The following WDPCP variants were observed in gnomAD, a reference collection of about 807,000 sequenced individuals.
WDPCP encodes the protein WD repeat-containing and planar cell polarity effector protein fritz homolog.
In WDPCP, 71 loss-of-function variants were observed where a neutral mutation model predicts 93.1. That is an observed-to-expected ratio of 0.76 (90% CI 0.63 to 0.93). The LOEUF is 0.93. WDPCP is among the 40% of genes least tolerant of loss of function. WDPCP has a pLI of 0.00. For missense variants in WDPCP, 844 were observed against 887.4 expected (o/e 0.95, Z 0.62); for synonymous variants, 315 against 315.0 (o/e 1.00, Z 0.00).
intron 3 of WDPCP, among the ~76,000 whole-genome samples, chr2:63,602,019 TG>T (rs1301795835): frequency 6.6e-6 from 1 of 152,246 alleles, no homozygotes; most frequent in African/African-American, 2.4e-5. Context: ...GATCAATAGC[TG>T]GGTACCCCAG....
intron 12 of WDPCP, among the ~76,000 whole-genome samples, chr2:63,351,858 C>T (rs1051981575): frequency 1.3e-5 from 2 of 152,224 alleles, no homozygotes; most frequent in African/African-American, 4.8e-5. Flanking sequence ...CTGCTTTCCA[C>T]AGTGGCTGGA....
chr2:63,204,234 A>G (rs188045736), intron 14 of WDPCP, among the ~76,000 whole-genome samples: 3 of 152,146 alleles, frequency 2.0e-5, no homozygotes, highest in South Asian at 4.2e-4. Context: ...TCTTTTGGAT[A>G]ATAGCCATTT....
At chr2:63,622,775 G>C in intron 3 of WDPCP, 3 of 1,612,440 alleles carry the variant, frequency 1.9e-6, no homozygotes, top group East Asian at 2.2e-5. Flanking sequence ...AGAAGGCGGC[G>C]AACACTTGGT....
In WDPCP at chr2:63,493,225, GT is replaced by G. The variant is rs1246683091; in HGVS notation, c.76-286del. 5.9e-5 allele frequency among the ~76,000 whole-genome samples: 9 copies of G among 152,242 alleles called. No individual in the cohort carries two copies. The South Asian group carries it at 1.7e-3, about 28-fold the overall frequency. Reference sequence around the variant, plus strand: ...TTGGGTTTTCAATAGCATATGTTTGGTTAAGGCTCTGAGTATATTTAGAATT... The same window carrying G: ...TTGGGTTTTCAATAGCATATGTTTGGTAAGGCTCTGAGTATATTTAGAATT... On this transcript the variant is annotated intron_variant, in intron 1 of 17. Coordinates refer to ENST00000272321, the MANE Select transcript of WDPCP (RefSeq NM_015910.7).
chr2:63,182,310 A>T (rs529580053), intron 14 of WDPCP, among the ~76,000 whole-genome samples: 1 of 152,092 alleles, frequency 6.6e-6, no homozygotes, highest in African/African-American at 2.4e-5. Context: ...ATTATTTTGC[A>T]GTATGTTCCC....
intron 1 of WDPCP, among the ~76,000 whole-genome samples, chr2:63,585,131 G>A (rs1708751506): frequency 6.6e-6 from 1 of 152,128 alleles, no homozygotes; most frequent in Non-Finnish European, 1.5e-5. Context: ...GTATAAAATT[G>A]TAAGACATAG....
At chr2:63,237,585 A>G (rs1679508118) in intron 14 of WDPCP, among the ~76,000 whole-genome samples, 1 of 152,212 alleles carries the variant, frequency 6.6e-6, no homozygotes, top group Non-Finnish European at 1.5e-5. Context: ...AGTGCCCATA[A>G]TGGTGAACTG....
At chr2:63,445,918 A>G (rs1697828458) in intron 6 of WDPCP, among the ~76,000 whole-genome samples, 1 of 152,208 alleles carries the variant, frequency 6.6e-6, no homozygotes, top group African/African-American at 2.4e-5. Context: ...TAAAAACAAT[A>G]GTAATAAGGT....
chr2:63,689,774 T>C (rs548095238), intron 2 of WDPCP, among the ~76,000 whole-genome samples: 8 of 152,354 alleles, frequency 5.3e-5, no homozygotes, highest in African/African-American at 1.7e-4. Context: ...TTCTTATTTA[T>C]GCAGAGTGCA....
intron 1 of WDPCP, among the ~76,000 whole-genome samples, chr2:63,519,919 T>C (rs1343729202): frequency 6.6e-6 from 1 of 152,052 alleles, no homozygotes; most frequent in Admixed American, 6.6e-5. Context: ...ATTCAGAATA[T>C]GGATAGGAAT....
intron 2 of WDPCP, among the ~76,000 whole-genome samples, chr2:63,811,785 A>G (rs1480920759): frequency 1.3e-5 from 2 of 151,996 alleles, no homozygotes; most frequent in Admixed American, 1.3e-4. Flanking sequence ...TGGAGTCCCC[A>G]GTGTCTACTG....
At chr2:63,540,801 T>G (rs1355628455) in intron 1 of WDPCP, among the ~76,000 whole-genome samples, 2 of 152,324 alleles carry the variant, frequency 1.3e-5, no homozygotes, top group South Asian at 2.1e-4. Flanking sequence ...TTGCCCAGGC[T>G]GGAGTGCAGT....
At chr2:63,344,959 C>A (rs1689094175) in intron 12 of WDPCP, among the ~76,000 whole-genome samples, 1 of 152,174 alleles carries the variant, frequency 6.6e-6, no homozygotes. Context: ...TTAGCAGCTT[C>A]TATCTTCATT....
chr2:63,349,515 T>C (rs1689431441), intron 12 of WDPCP, among the ~76,000 whole-genome samples: 1 of 152,198 alleles, frequency 6.6e-6, no homozygotes, highest in South Asian at 2.1e-4. Flanking sequence ...AGATAAATTA[T>C]TTCTGATTAA....
At chr2:63,534,161 G>A (rs528060252) in intron 1 of WDPCP, among the ~76,000 whole-genome samples, 2 of 152,262 alleles carry the variant, frequency 1.3e-5, no homozygotes, top group East Asian at 3.9e-4. Context: ...ACTAAATGAG[G>A]AAGAAGCTGA....
chr2:63,699,405 T>C (rs188125690), intron 2 of WDPCP, among the ~76,000 whole-genome samples: 2 of 152,346 alleles, frequency 1.3e-5, no homozygotes, highest in African/African-American at 2.4e-5. Flanking sequence ...CGAATCTGGA[T>C]GCAAGTATTT....
At chr2:63,203,684 GCTAT>G (rs1276445764) in intron 14 of WDPCP, among the ~76,000 whole-genome samples, 8 of 151,934 alleles carry the variant, frequency 5.3e-5, no homozygotes, top group African/African-American at 9.7e-5. Context: ...ATCCTTCTAC[GCTAT>G]CTGAGTTCAA....
At chr2:63,454,182 A>T (rs1698469320) in intron 6 of WDPCP, among the ~76,000 whole-genome samples, 1 of 152,020 alleles carries the variant, frequency 6.6e-6, no homozygotes, top group Non-Finnish European at 1.5e-5. Context: ...GCCATAAAAA[A>T]GGAGGAGTTC....
intron 14 of WDPCP, among the ~76,000 whole-genome samples, chr2:63,245,072 G>A: frequency 6.6e-6 from 1 of 152,142 alleles, no homozygotes; most frequent in East Asian, 1.9e-4. Context: ...CAATAAAAAT[G>A]CATGCACGCA....
Sources: allele counts gnomAD v4.1 joint callset (sites outside exome capture counted in the v4.1 genomes callset), GRCh38; gene constraint gnomAD v4.1.1; transcripts MANE v1.5; gene names NCBI Gene and HGNC (gene_info 2026-07-23, HGNC 2026-07-21).